Variants in CDKAL1 observed in about 807,000 individuals in gnomAD.
CDKAL1 encodes the protein threonylcarbamoyladenosine tRNA methylthiotransferase.
CDKAL1 carries 32 observed loss-of-function variants against 68.2 expected under a neutral mutation model. The observed-to-expected ratio is 0.47, with a 90% CI of 0.35 to 0.63. CDKAL1 has a LOEUF of 0.63. Among genes scored for constraint, CDKAL1 ranks in the 30% least tolerant of loss-of-function variants. The pLI is 0.00. For synonymous variants in CDKAL1, 234 were observed against 244.3 expected (o/e 0.96, Z 0.39); for missense variants, 606 against 696.7 (o/e 0.87, Z 1.47).
At chr6:21,196,230 AG>A (rs1778466672) in intron 13 of CDKAL1, among the ~76,000 whole-genome samples, 1 of 152,220 alleles carries the variant, frequency 6.6e-6, no homozygotes, top group African/African-American at 2.4e-5. Flanking sequence ...GTGTAATTGC[AG>A]ATTTCCTTAA....
chr6:20,545,138 A>C (rs1157450917), intron 2 of CDKAL1, among the ~76,000 whole-genome samples: 1 of 151,472 alleles, frequency 6.6e-6, no homozygotes, highest in Non-Finnish European at 1.5e-5. Flanking sequence ...GATTGCTGGG[A>C]TCTTTAGTGA....
chr6:21,222,201 G>A (rs989509181), intron 15 of CDKAL1, among the ~76,000 whole-genome samples: 1 of 152,186 alleles, frequency 6.6e-6, no homozygotes, highest in Non-Finnish European at 1.5e-5. Flanking sequence ...GTTCGCATGT[G>A]TATGTATGTG....
intron 10 of CDKAL1, 67 bp from the exon 11 acceptor site, chr6:21,000,160 T>G: frequency 7.8e-7 from 1 of 1,282,514 alleles, no homozygotes; most frequent in Non-Finnish European, 1.1e-6. Flanking sequence ...CTTGTGGTGT[T>G]GATGTGAGGA....
chr6:20,785,618 A>AT (rs1561776488), intron 8 of CDKAL1, among the ~76,000 whole-genome samples: 2 of 151,654 alleles, frequency 1.3e-5, no homozygotes, highest in Admixed American at 1.3e-4. Context: ...GCCAGATTTC[A>AT]TTTTTTTCAT....
At chr6:20,612,325 C>G (rs1766654071) in intron 4 of CDKAL1, among the ~76,000 whole-genome samples, 1 of 152,072 alleles carries the variant, frequency 6.6e-6, no homozygotes, top group South Asian at 2.1e-4. Context: ...TGAGAAATCT[C>G]AATACTGTTT....
intron 10 of CDKAL1, among the ~76,000 whole-genome samples, chr6:20,959,308 G>GA (rs577041409): frequency 8.9e-4 from 136 of 152,008 alleles, no homozygotes; most frequent in Middle Eastern, 3.4e-3. Flanking sequence ...TATATATTGT[G>GA]AAAAAAACAC....
chr6:20,725,362 C>T (rs1342533757), intron 5 of CDKAL1, among the ~76,000 whole-genome samples: 2 of 152,204 alleles, frequency 1.3e-5, no homozygotes, highest in Non-Finnish European at 2.9e-5. Context: ...CCTTGCTTAA[C>T]AAGAAGGAAA....
intron 4 of CDKAL1, among the ~76,000 whole-genome samples, chr6:20,633,195 C>T (rs1350874817): frequency 6.6e-6 from 1 of 152,220 alleles, no homozygotes; most frequent in Non-Finnish European, 1.5e-5. Context: ...CCCACTCAGT[C>T]CTCCTATCCC....
intron 15 of CDKAL1, among the ~76,000 whole-genome samples, chr6:21,225,844 C>T (rs1284126320): frequency 6.6e-6 from 1 of 152,154 alleles, no homozygotes; most frequent in East Asian, 1.9e-4. Context: ...TTTCTGAGGA[C>T]GTTTGCGTTT....
At chr6:20,745,076 T>G (rs1042603000) in intron 6 of CDKAL1, among the ~76,000 whole-genome samples, 3 of 152,256 alleles carry the variant, frequency 2.0e-5, no homozygotes. Flanking sequence ...AACATTTTCT[T>G]TGGAGAGCTG....
At chr6:20,685,846 C>G (rs1360299067) in intron 5 of CDKAL1, among the ~76,000 whole-genome samples, 1 of 152,166 alleles carries the variant, frequency 6.6e-6, no homozygotes, top group Non-Finnish European at 1.5e-5. Flanking sequence ...ACCTTGGCCT[C>G]CCAAAGTTCT....
At chr6:21,219,412 C>G (rs1779452829) in intron 15 of CDKAL1, among the ~76,000 whole-genome samples, 1 of 152,056 alleles carries the variant, frequency 6.6e-6, no homozygotes, top group Admixed American at 6.5e-5. Flanking sequence ...TGGAATTTTT[C>G]CCCCCTGAGT....
intron 8 of CDKAL1, among the ~76,000 whole-genome samples, chr6:20,838,389 C>T (rs1778044498): frequency 6.6e-6 from 1 of 151,980 alleles, no homozygotes; most frequent in Non-Finnish European, 1.5e-5. Flanking sequence ...ATGTCACAAA[C>T]ATTATTTGAC....
At chr6:21,037,803 GATTTAC>G (rs76547513) in intron 11 of CDKAL1, among the ~76,000 whole-genome samples, 15,057 of 152,078 alleles carry the variant, frequency 0.099, 885 homozygotes, top group Middle Eastern at 0.15. Context: ...AAGATTATGC[GATTTAC>G]ATTTACTTAA....
intron 4 of CDKAL1, among the ~76,000 whole-genome samples, chr6:20,619,385 T>C (rs1377685724): frequency 6.6e-6 from 1 of 152,174 alleles, no homozygotes; most frequent in African/African-American, 2.4e-5. Flanking sequence ...AGTGTTCTTA[T>C]CACAAAAATA....
intron 8 of CDKAL1, among the ~76,000 whole-genome samples, chr6:20,783,445 C>T (rs114801109): frequency 0.011 from 1,677 of 152,262 alleles, 28 homozygotes; most frequent in African/African-American, 0.037. Flanking sequence ...TTGTCACTCC[C>T]TACTTCACAC....
intron 8 of CDKAL1, among the ~76,000 whole-genome samples, chr6:20,786,814 T>C (rs1043621626): frequency 6.6e-6 from 1 of 152,096 alleles, no homozygotes; most frequent in Admixed American, 6.5e-5. Flanking sequence ...TTATTTTTTC[T>C]AGCAGTGGGA....
At chr6:20,551,079 A>G (rs1307257897) in intron 4 of CDKAL1, among the ~76,000 whole-genome samples, 4 of 151,724 alleles carry the variant, frequency 2.6e-5, no homozygotes, top group Non-Finnish European at 5.9e-5. Context: ...GTTAGCCAGG[A>G]TGGTCTCAAT....
intron 13 of CDKAL1, among the ~76,000 whole-genome samples, chr6:21,114,175 G>A (rs1408046926): frequency 1.3e-5 from 2 of 150,014 alleles, no homozygotes; most frequent in Admixed American, 6.6e-5. Context: ...GTGAACCTGG[G>A]AGGCGGAGCT....
Sources: allele counts gnomAD v4.1 joint callset (sites outside exome capture counted in the v4.1 genomes callset), GRCh38; gene constraint gnomAD v4.1.1; transcripts MANE v1.5; gene names NCBI Gene and HGNC (gene_info 2026-07-23, HGNC 2026-07-21).